The following MRPS27 variants were observed in gnomAD, a reference collection of about 807,000 sequenced individuals.
The protein encoded by MRPS27 is mitochondrial ribosomal protein S27.
A neutral mutation model predicts 48.9 loss-of-function variants in MRPS27; 43 were observed. That is an observed-to-expected ratio of 0.88 (90% CI 0.69 to 1.13). The LOEUF (loss-of-function observed/expected upper bound fraction) is 1.13. MRPS27 is among the 50% of genes most tolerant of loss of function. The pLI, the probability that MRPS27 is intolerant of heterozygous loss-of-function variation, is 0.00. For synonymous variants in MRPS27, 188 were observed against 171.9 expected (o/e 1.09, Z -0.73); for missense variants, 467 against 476.3 (o/e 0.98, Z 0.18).
chr5:72,267,841 A>G (rs1270651492), intron 4 of MRPS27, among the ~76,000 whole-genome samples: 2 of 152,192 alleles, frequency 1.3e-5, no homozygotes. Flanking sequence ...TTAAGAAAAA[A>G]AAAAAGTATG....
intron 4 of MRPS27, among the ~76,000 whole-genome samples, chr5:72,257,744 G>A (rs1314917476): frequency 6.6e-6 from 1 of 152,172 alleles, no homozygotes; most frequent in African/African-American, 2.4e-5. Flanking sequence ...GATTATGTGA[G>A]CAGCAGGATG....
At chr5:72,279,539 T>C (rs900603198) in intron 4 of MRPS27, among the ~76,000 whole-genome samples, 3 of 152,226 alleles carry the variant, frequency 2.0e-5, no homozygotes, top group African/African-American at 7.2e-5. Flanking sequence ...GGAGGATTGC[T>C]TGAGGACAGG....
At chr5:72,293,777 C>G (rs1286245641) in intron 4 of MRPS27, among the ~76,000 whole-genome samples, 3 of 152,172 alleles carry the variant, frequency 2.0e-5, no homozygotes, top group Middle Eastern at 3.2e-3. Context: ...GGCACTGTAT[C>G]TCACAGGATG....
At chr5:72,277,169 A>G (rs1381687199) in intron 4 of MRPS27, among the ~76,000 whole-genome samples, 6 of 152,218 alleles carry the variant, frequency 3.9e-5, no homozygotes, top group Non-Finnish European at 8.8e-5. Flanking sequence ...ATGAGATACC[A>G]TCTCATACCA....
intron 4 of MRPS27, among the ~76,000 whole-genome samples, chr5:72,259,911 T>C (rs553825656): frequency 7.7e-4 from 118 of 152,332 alleles, no homozygotes; most frequent in African/African-American, 2.8e-3. Flanking sequence ...TATTTCATTA[T>C]GTTATTTATT....
chr5:72,242,270 A>C (rs1748371653), intron 4 of MRPS27, among the ~76,000 whole-genome samples: 1 of 152,158 alleles, frequency 6.6e-6, no homozygotes, highest in Non-Finnish European at 1.5e-5. Context: ...AGAACTCTTA[A>C]GGGCATCTGC....
chr5:72,288,719 G>C (rs867638912), intron 4 of MRPS27: 2 of 152,324 alleles, frequency 1.3e-5, no homozygotes, highest in South Asian at 4.1e-4. Context: ...AATGCTCTCA[G>C]ACTCATTTCT....
chr5:72,254,978 C>T (rs1288602164), intron 4 of MRPS27, among the ~76,000 whole-genome samples: 1 of 144,438 alleles, frequency 6.9e-6, no homozygotes, highest in East Asian at 2.0e-4. Context: ...TTTAGTAGCT[C>T]TATATAGCAG....
chr5:72,259,384 C>G (rs1398724339), intron 4 of MRPS27, among the ~76,000 whole-genome samples: 45 of 150,584 alleles, frequency 3.0e-4, no homozygotes, highest in Non-Finnish European at 5.9e-5. Flanking sequence ...AGGAGAATTG[C>G]TTGAATCCGG....
intron 4 of MRPS27, among the ~76,000 whole-genome samples, chr5:72,246,986 T>C (rs1408479200): frequency 6.6e-6 from 1 of 152,162 alleles, no homozygotes; most frequent in Non-Finnish European, 1.5e-5. Flanking sequence ...ATAAACTCAG[T>C]GTAAAACAGT....
At chr5:72,298,562 C>T (rs1197941824) in intron 2 of MRPS27, among the ~76,000 whole-genome samples, 5 of 151,682 alleles carry the variant, frequency 3.3e-5, no homozygotes, top group African/African-American at 7.3e-5. Context: ...AAAAATTAGC[C>T]GGGCGCGGTG....
chr5:72,273,279 T>C (rs936027198), intron 4 of MRPS27, among the ~76,000 whole-genome samples: 1 of 152,066 alleles, frequency 6.6e-6, no homozygotes, highest in East Asian at 1.9e-4. Context: ...TTCGAGAAAG[T>C]GAGAAAAAAT....
In MRPS27 at chr5:72,234,100, T is replaced by C. The variant is rs774428874; in HGVS notation, c.475+19A>G. 2.7e-6 allele frequency: 4 copies of C among 1,490,176 alleles called. No homozygotes were observed. Among genetic ancestry groups the C allele is most frequent in the Middle Eastern group, 1.8e-4 (1 of 5,644 alleles). 92.3% of individuals were successfully genotyped at this position (1,490,176 alleles called of 1,614,324 possible). A position where few individuals can be genotyped will look rare whatever the true frequency, so the allele number is the denominator to read the frequency against. Reference sequence around the variant, plus strand: ...AGCTGGAAGCCCTATAAACACTGAATCTGGGGTTAGTTTCTTACCTTTGTA... The same window carrying C: ...AGCTGGAAGCCCTATAAACACTGAACCTGGGGTTAGTTTCTTACCTTTGTA... On this transcript the variant is annotated intron_variant, in intron 6 of 10. Coordinates refer to ENST00000261413, the MANE Select transcript of MRPS27 (RefSeq NM_015084.3).
At chr5:72,265,356 T>C (rs1488559725) in intron 4 of MRPS27, among the ~76,000 whole-genome samples, 1 of 152,152 alleles carries the variant, frequency 6.6e-6, no homozygotes, top group Non-Finnish European at 1.5e-5. Flanking sequence ...CACTTAAGAT[T>C]TGGCAGACTT....
intron 4 of MRPS27, among the ~76,000 whole-genome samples, chr5:72,245,629 A>G (rs1418720697): frequency 6.6e-6 from 1 of 152,194 alleles, no homozygotes; most frequent in African/African-American, 2.4e-5. Context: ...AAAAACCAGA[A>G]TTTCTGGAGT....
chr5:72,256,348 A>C (rs1360923059), intron 4 of MRPS27, among the ~76,000 whole-genome samples: 1 of 152,238 alleles, frequency 6.6e-6, no homozygotes, highest in Non-Finnish European at 1.5e-5. Flanking sequence ...TATATGTATT[A>C]AAAAAAGAAT....
intron 4 of MRPS27, among the ~76,000 whole-genome samples, chr5:72,251,614 A>G (rs1049490812): frequency 1.3e-5 from 2 of 152,224 alleles, no homozygotes; most frequent in Admixed American, 6.5e-5. Context: ...GCTTTGTGTC[A>G]GCTCAGTGCC....
chr5:72,293,594 A>T (rs1345472475), intron 4 of MRPS27, among the ~76,000 whole-genome samples: 4 of 152,202 alleles, frequency 2.6e-5, no homozygotes. Context: ...TCAACTTTTC[A>T]GTAATACTTG....
In MRPS27 at chr5:72,219,487, C is replaced by A. The variant is rs1263505557; in HGVS notation, c.*1422G>T. 6.6e-6 allele frequency: 1 copy of A among 152,114 alleles called. No homozygotes were observed. Among genetic ancestry groups the A allele is most frequent in the Non-Finnish European group, 1.5e-5 (1 of 68,038 alleles). 9.4% of individuals were successfully genotyped at this position (152,114 alleles called of 1,614,324 possible). A position where few individuals can be genotyped will look rare whatever the true frequency, so the allele number is the denominator to read the frequency against. Reference sequence around the variant, plus strand: ...ATCATAGTAACAATAATGAGTCCCTCTCCCTCCTCCCTTTCCCCAAAGATA... The same window carrying A: ...ATCATAGTAACAATAATGAGTCCCTATCCCTCCTCCCTTTCCCCAAAGATA... On this transcript the variant is annotated 3_prime_UTR_variant, in exon 11 of 11. Coordinates refer to ENST00000261413, the MANE Select transcript of MRPS27 (RefSeq NM_015084.3).
Sources: gnomAD v4.1 joint callset for allele counts (sites outside exome capture counted in the v4.1 genomes callset) on GRCh38, gnomAD v4.1.1 for gene constraint, MANE v1.5 for transcripts, NCBI Gene and HGNC (gene_info 2026-07-23, HGNC 2026-07-21) for gene names.